Variants in HELZ observed in about 807,000 individuals in gnomAD.
HELZ encodes ATP-dependent RNA helicase with zinc finger domain.
Under a neutral mutation model 218.2 loss-of-function variants are expected in HELZ, and 23 were observed. The ratio of observed to expected loss-of-function variants is 0.11; its 90% CI spans 0.08 to 0.15. The LOEUF (loss-of-function observed/expected upper bound fraction) is 0.15, where lower values mean the gene tolerates loss of function less well. Among genes scored for constraint, HELZ ranks in the 10% least tolerant of loss-of-function variants. HELZ has a pLI of 1.00. For synonymous variants in HELZ, 814 were observed against 829.4 expected, an observed-to-expected ratio of 0.98 and a Z score of 0.32; for missense variants, 1,813 against 2,353.7, an observed-to-expected ratio of 0.77 and a Z score of 4.75.
Position 67,107,368 on chromosome 17 carries a change from C to T in HELZ, c.5042G>A (p.Gly1681Glu), listed in dbSNP as rs772627938. 4.3e-6 allele frequency: 7 copies of T among 1,614,124 alleles called. No individual in the cohort carries two copies. The African/African-American group carries it at 5.3e-5, about 12-fold the overall frequency. Residue 1681 changes from glycine (G) to glutamate (E), a missense_variant, in exon 31 of 33, where the codon GGA (glycine) becomes GAA (glutamate). Transcript: ENST00000358691. ...PPPLKYLAPD[G>E]AWTFANLQQN... is the part of the protein sequence containing the mutation. ...TTGCAAGTTAGCAAAAGTCCATGCT[C>T]CATCAGGTGCCAGGTATTTCAAGGG...
In HELZ at chr17:67,168,136, G is replaced by A. The variant is rs148055021; in HGVS notation, c.1431-340C>T. 5.8e-3 allele frequency among the ~76,000 whole-genome samples: 878 copies of A among 151,954 alleles called. 11 individuals carry two copies. Among genetic ancestry groups the A allele is most frequent in the African/African-American group, 0.019 (793 of 41,438 alleles). ...AGCTGGGATTACAGATGCCCACCAC[G>A]CCCGGCTAATTTTTGTATTTTTAGT... On this transcript the variant is annotated intron_variant, in intron 13 of 32. Transcript: ENST00000358691.
chr17:67,142,757 AT>A (rs1202282000), intron 21 of HELZ, among the ~76,000 whole-genome samples: 1 of 142,056 alleles, frequency 7.0e-6, no homozygotes, highest in Admixed American at 7.2e-5. Flanking sequence ...TTATTTATTT[AT>A]TTTATTTTAT....
At chr17:67,128,383 G>A in intron 24 of HELZ, 1 of 458,120 alleles carries the variant, frequency 2.2e-6, no homozygotes, top group Non-Finnish European at 3.9e-6. Context: ...CAGTAGAGAG[G>A]ATTAGAAGGT....
chr17:67,244,423 A>C, intron 1 of HELZ: 1 of 185,048 alleles, frequency 5.4e-6, no homozygotes, highest in Non-Finnish European at 1.0e-5. Flanking sequence ...AGGCTCCAAT[A>C]ATTTAGGGGA....
chr17:67,160,161 A>G, intron 17 of HELZ, 100 bp downstream of exon 17: 1 of 714,400 alleles, frequency 1.4e-6, no homozygotes, highest in Non-Finnish European at 2.4e-6. Flanking sequence ...CAATGCATAA[A>G]GACTTTGGTA....
intron 4 of HELZ, among the ~76,000 whole-genome samples, 182 bp from the exon 5 acceptor site, chr17:67,216,117 G>A (rs918051105): frequency 4.6e-5 from 7 of 151,964 alleles, no homozygotes; most frequent in Admixed American, 4.6e-4. Context: ...ACAAATAAAC[G>A]TCACAGTATA....
intron 3 of HELZ, among the ~76,000 whole-genome samples, chr17:67,219,776 T>C (rs1398232733): frequency 6.6e-6 from 1 of 152,026 alleles, no homozygotes; most frequent in African/African-American, 2.4e-5. Flanking sequence ...TGGTTAGAAA[T>C]AGAAGAAATC....
Position 67,075,337 on chromosome 17 carries a change from C to G in HELZ, c.*2915G>C, listed in dbSNP as rs1160002544. ...AAAAAGACATTATGTGAACAATTAA[C>G]CTCACTTAGAAAAAAATCTGCTCTG... On this transcript the variant is annotated 3_prime_UTR_variant, in exon 33 of 33. Coordinates refer to ENST00000358691, the MANE Select transcript of HELZ (RefSeq NM_014877.4). 1 of 152,022 alleles carries G rather than the reference C, an allele frequency of 6.6e-6. No homozygotes were observed. The highest frequency in any genetic ancestry group is 2.1e-4 in the South Asian group (1 of 4,826). 9.4% of individuals were successfully genotyped at this position (152,022 alleles called of 1,614,324 possible). A position where few individuals can be genotyped will look rare whatever the true frequency, so the allele number is the denominator to read the frequency against.
At chr17:67,162,082 T>C (rs1265159014) in intron 15 of HELZ, among the ~76,000 whole-genome samples, 1 of 152,132 alleles carries the variant, frequency 6.6e-6, no homozygotes, top group African/African-American at 2.4e-5. Context: ...AATCAGAAGG[T>C]GGTTATTTTT....
chr17:67,125,336 A>C (rs1337716419), intron 24 of HELZ, among the ~76,000 whole-genome samples: 1 of 72,778 alleles, frequency 1.4e-5, no homozygotes, highest in Non-Finnish European at 2.8e-5. Flanking sequence ...ATATATATAT[A>C]TATATATATA....
chr17:67,179,654 C>CT (rs2039553378), intron 12 of HELZ: 1 of 152,086 alleles, frequency 6.6e-6, no homozygotes, highest in Non-Finnish European at 1.5e-5. Context: ...AACATAAACT[C>CT]TGAGCACTGG....
rs1567774087 is a variant in HELZ, at chr17:67,072,452, C to CACT, written c.*5799_*5800insAGT. 1.3e-5 allele frequency: 2 copies of CACT among 152,722 alleles called. No homozygotes were observed. The highest frequency in any genetic ancestry group is 2.9e-5 in the Non-Finnish European group (2 of 68,086). The allele number at this position is 152,722 out of a possible 1,614,324, so 9.5% of individuals were successfully genotyped here. The stretch of plus-strand genomic sequence containing the variant: ...CCTGCACTTAGTGCCTCGATACATG[C>CACT]TAGGTGCACTCTCATGGCATTCTGA... On this transcript the variant is annotated 3_prime_UTR_variant, in exon 33 of 33. Transcript: ENST00000358691.
chr17:67,122,465 GA>G (rs751400051), intron 26 of HELZ, among the ~76,000 whole-genome samples: 1 of 152,030 alleles, frequency 6.6e-6, no homozygotes, highest in Non-Finnish European at 1.5e-5. Context: ...AGAATGGCGT[GA>G]ACCTGGGAGG....
intron 22 of HELZ, among the ~76,000 whole-genome samples, chr17:67,137,554 GT>G (rs1280539854): frequency 6.6e-6 from 1 of 152,112 alleles, no homozygotes; most frequent in Non-Finnish European, 1.5e-5. Context: ...ATTTAAAAGA[GT>G]TGCTGTTAAC....
intron 26 of HELZ, among the ~76,000 whole-genome samples, 166 bp downstream of exon 26, chr17:67,122,804 A>G (rs1201644276): frequency 6.6e-6 from 1 of 152,218 alleles, no homozygotes; most frequent in African/African-American, 2.4e-5. Flanking sequence ...GTAAGCAACA[A>G]TTCGTAATTT....
intron 23 of HELZ, among the ~76,000 whole-genome samples, chr17:67,130,251 G>T (rs537465310): frequency 8.6e-5 from 13 of 151,514 alleles, no homozygotes; most frequent in African/African-American, 3.2e-4. Context: ...TCAGGTGAGG[G>T]GTACACTAAA....
chr17:67,189,528 CA>C (rs963163661), intron 11 of HELZ, 60 bp downstream of exon 11: 11 of 1,063,906 alleles, frequency 1.0e-5, no homozygotes, highest in African/African-American at 3.2e-5. Context: ...ATTCAAAGGT[CA>C]AAAAAACGTT....
At chr17:67,136,255 T>A in intron 22 of HELZ, 57 bp from the exon 23 acceptor site, 2 of 1,137,042 alleles carry the variant, frequency 1.8e-6, no homozygotes, top group South Asian at 1.4e-5. Context: ...ACCACTGATA[T>A]AATAAAAGCA....
At chr17:67,203,171 C>T in intron 6 of HELZ, 148 bp downstream of exon 6, 3 of 710,626 alleles carry the variant, frequency 4.2e-6, no homozygotes, top group Non-Finnish European at 4.6e-6. Flanking sequence ...AAAATGGGTA[C>T]TATATCTCAG....
Sources: allele counts gnomAD v4.1 joint callset (sites outside exome capture counted in the v4.1 genomes callset), GRCh38; gene constraint gnomAD v4.1.1; transcripts MANE v1.5; gene names NCBI Gene and HGNC (gene_info 2026-07-23, HGNC 2026-07-21).